Variants in DROSHA observed in about 807,000 individuals in gnomAD.
The protein encoded by DROSHA is drosha ribonuclease III, also known as ribonuclease 3.
A neutral mutation model predicts 181.9 loss-of-function variants in DROSHA; 56 were observed. The ratio of observed to expected loss-of-function variants is 0.31; its 90% CI spans 0.25 to 0.38. The LOEUF (loss-of-function observed/expected upper bound fraction) is 0.38. Ranked by LOEUF, DROSHA falls within the 10% of genes least tolerant of loss-of-function variation. The pLI, the probability that DROSHA is intolerant of heterozygous loss-of-function variation, is 1.00. For missense variants in DROSHA, 1,218 were observed against 1,743.5 expected (o/e 0.70, Z 5.37); for synonymous variants, 524 against 591.2 (o/e 0.89, Z 1.65).
At chr5:31,435,662 C>G in intron 25 of DROSHA, 103 bp downstream of exon 25, 1 of 993,182 alleles carries the variant, frequency 1.0e-6, no homozygotes, top group Non-Finnish European at 1.5e-6. Context: ...TATTAACACT[C>G]CTAATATATC....
At chr5:31,415,661 C>T (rs1420385016) in intron 30 of DROSHA, among the ~76,000 whole-genome samples, 1 of 152,190 alleles carries the variant, frequency 6.6e-6, no homozygotes, top group Non-Finnish European at 1.5e-5. Context: ...AGGTTCATCA[C>T]CGCTATAGTG....
At chr5:31,509,548 G>A (rs557129717) in intron 9 of DROSHA, among the ~76,000 whole-genome samples, 32 of 152,300 alleles carry the variant, frequency 2.1e-4, no homozygotes, top group African/African-American at 7.5e-4. Flanking sequence ...AGGGAGCATC[G>A]TAGGCAAAAG....
Position 31,446,446 on chromosome 5 carries a change from C to CAAAA in DROSHA, c.2882+2097_2882+2100dup, listed in dbSNP as rs60001713. ...TGGGCGACAGAGCGAGACTCTGTCT[C>CAAAA]AAAAAAAAAAAAAAAAAAAAGATTC... On this transcript the variant is annotated intron_variant, in intron 23 of 35. Coordinates refer to ENST00000344624, the MANE Select transcript of DROSHA (RefSeq NM_001382508.1). 6.4e-4 allele frequency among the ~76,000 whole-genome samples: 38 copies of CAAAA among 59,338 alleles called. 1 individual carries two copies. The highest frequency in any genetic ancestry group is 1.9e-3 in the African/African-American group (35 of 18,270). The allele number at this position is 59,338 out of a possible 152,430, so 38.9% of individuals were successfully genotyped here.
chr5:31,475,324 TA>T, intron 16 of DROSHA, among the ~76,000 whole-genome samples: 1 of 151,912 alleles, frequency 6.6e-6, no homozygotes, highest in Non-Finnish European at 1.5e-5. Flanking sequence ...TCTCAAAAAA[TA>T]AAATAAAATA....
chr5:31,501,067 G>A (rs954781813), intron 11 of DROSHA, among the ~76,000 whole-genome samples: 1 of 152,218 alleles, frequency 6.6e-6, no homozygotes, highest in East Asian at 1.9e-4. Context: ...CCAGGAGGAA[G>A]GATCCTGTAA....
rs190702071 is a variant in DROSHA, at chr5:31,525,491, G to A, written c.854+588C>T. 2.2e-4 allele frequency among the ~76,000 whole-genome samples: 26 copies of A among 120,138 alleles called. No individual in the cohort carries two copies. The East Asian group carries it at 4.2e-3, about 19-fold the overall frequency. The allele number at this position is 120,138 out of a possible 152,430, so 78.8% of individuals were successfully genotyped here. On this transcript the variant is annotated intron_variant, in intron 5 of 35. Coordinates refer to ENST00000344624, the MANE Select transcript of DROSHA (RefSeq NM_001382508.1). ...TGCACTCCTGCCTGGGCAACATAGC[G>A]AGATTCTGTCACAAAAAAAAAAAAA...
intron 20 of DROSHA, among the ~76,000 whole-genome samples, chr5:31,451,945 A>C (rs1747088120): frequency 6.6e-6 from 1 of 152,208 alleles, no homozygotes; most frequent in Admixed American, 6.5e-5. Context: ...AATGAGAATA[A>C]TAAATATACC....
chr5:31,458,887 A>G (rs1277025861), intron 20 of DROSHA, among the ~76,000 whole-genome samples: 2 of 152,262 alleles, frequency 1.3e-5, no homozygotes, highest in Non-Finnish European at 2.9e-5. Flanking sequence ...ATGACACCAG[A>G]AAGTTGCAAT....
rs899970437 is a variant in DROSHA, at chr5:31,417,572, A to T, written c.3525+3700T>A. 2.0e-5 allele frequency among the ~76,000 whole-genome samples: 3 copies of T among 152,226 alleles called. No individual in the cohort carries two copies. In the South Asian group the frequency reaches 6.2e-4, roughly 31 times the overall value. ...GTCAGAATCTACACAGAACTTAAAC[A>T]AATGTACAAGAAAAAGGAAAGGGAA... is the stretch of plus-strand genomic sequence containing the variant. On this transcript the variant is annotated intron_variant, in intron 30 of 35. Coordinates refer to ENST00000344624, the MANE Select transcript of DROSHA (RefSeq NM_001382508.1).
intron 20 of DROSHA, among the ~76,000 whole-genome samples, chr5:31,453,528 C>G (rs1747281671): frequency 6.6e-6 from 1 of 152,092 alleles, no homozygotes. Context: ...AACTTTAAGC[C>G]CAAATCTGTA....
intron 16 of DROSHA, among the ~76,000 whole-genome samples, chr5:31,480,814 C>T (rs1387965543): frequency 1.3e-5 from 2 of 152,064 alleles, no homozygotes; most frequent in African/African-American, 4.8e-5. Flanking sequence ...TACTCTTCAG[C>T]CTCATGGAAC....
chr5:31,526,223 C>T lies in DROSHA; in HGVS notation c.710G>A (p.Ser237Asn), dbSNP rs775888276. 1.9e-6 allele frequency: 3 copies of T among 1,613,976 alleles called. No individual in the cohort carries two copies. The highest frequency in any genetic ancestry group is 2.2e-5 in the South Asian group (2 of 91,064). The change falls in exon 5 of 36, where the codon AGT becomes AAT. Residue 237 changes from serine to asparagine, a missense_variant. Physicochemically the swap from Ser to Asn is conservative, Grantham distance 46. Coordinates refer to ENST00000344624, the MANE Select transcript of DROSHA (RefSeq NM_001382508.1). ...CCGATGCCTCTCACCTCGCCCATGA[C>T]TGTGATCTCGGTGCCTGTGGTCATC... ...HYDDHRHRDHSHGRGERHRSL... is the reference protein window; with the variant it reads ...HYDDHRHRDHNHGRGERHRSL...
chr5:31,521,628 G>A (rs1262870557), intron 5 of DROSHA, among the ~76,000 whole-genome samples: 1 of 152,106 alleles, frequency 6.6e-6, no homozygotes, highest in Non-Finnish European at 1.5e-5. Context: ...AGCTTTTATA[G>A]TGAAAATTAG....
Position 31,453,467 on chromosome 5 carries a change from G to T in DROSHA, c.2575-1827C>A, listed in dbSNP as rs568410489. On this transcript the variant is annotated intron_variant, in intron 20 of 35. Coordinates refer to ENST00000344624, the MANE Select transcript of DROSHA (RefSeq NM_001382508.1). ...TCAGCCTGTCTCAGCCTCCCAAAGT[G>T]CTAAGATTACATAGGTGTGAGCCAC... 2.0e-5 allele frequency among the ~76,000 whole-genome samples: 3 copies of T among 152,244 alleles called. No homozygotes were observed. The East Asian group carries it at 5.8e-4, about 29-fold the overall frequency.
intron 11 of DROSHA, among the ~76,000 whole-genome samples, chr5:31,499,333 T>C (rs958648598): frequency 6.6e-6 from 1 of 152,186 alleles, no homozygotes; most frequent in African/African-American, 2.4e-5. Context: ...CATCTGCTTC[T>C]AGAGAACCCA....
chr5:31,446,627 A>C (rs1746332480), intron 23 of DROSHA, among the ~76,000 whole-genome samples: 1 of 151,438 alleles, frequency 6.6e-6, no homozygotes. Context: ...AGAAAACTTA[A>C]GATTAAGATG....
chr5:31,444,661 T>C (rs1746036406), intron 23 of DROSHA, among the ~76,000 whole-genome samples: 1 of 152,196 alleles, frequency 6.6e-6, no homozygotes, highest in South Asian at 2.1e-4. Flanking sequence ...TAGAGGGCTA[T>C]GGGTATATAG....
intron 11 of DROSHA, among the ~76,000 whole-genome samples, chr5:31,496,907 G>C (rs1339033973): frequency 1.3e-5 from 2 of 152,234 alleles, no homozygotes; most frequent in African/African-American, 4.8e-5. Context: ...CCTTGACAAA[G>C]GGTAAACCTA....
intron 23 of DROSHA, among the ~76,000 whole-genome samples, chr5:31,445,963 C>A (rs10058605): frequency 6.6e-6 from 1 of 151,982 alleles, no homozygotes; most frequent in Non-Finnish European, 1.5e-5. Context: ...AAGGATTACA[C>A]GGGAAGAAGT....
Sources: allele counts gnomAD v4.1 joint callset (sites outside exome capture counted in the v4.1 genomes callset), GRCh38; gene constraint gnomAD v4.1.1; transcripts MANE v1.5; gene names NCBI Gene and HGNC (gene_info 2026-07-23, HGNC 2026-07-21).